Variants in ZUP1 observed in about 807,000 individuals in gnomAD.
The protein encoded by ZUP1 is zinc finger containing ubiquitin peptidase 1, also known as zinc finger-containing ubiquitin peptidase 1.
In ZUP1, 55 loss-of-function variants were observed where a neutral mutation model predicts 68.1. The ratio of observed to expected loss-of-function variants is 0.81; its 90% CI spans 0.65 to 1.01. The LOEUF is 1.01. Among genes scored for constraint, ZUP1 ranks in the 50% least tolerant of loss-of-function variants. The pLI, the probability that ZUP1 is intolerant of heterozygous loss-of-function variation, is 0.00. For missense variants in ZUP1, 684 were observed against 674.9 expected, an observed-to-expected ratio of 1.01 and a Z score of -0.15; for synonymous variants, 223 against 221.5, an observed-to-expected ratio of 1.01 and a Z score of -0.06.
intron 7 of ZUP1, among the ~76,000 whole-genome samples, chr6:116,648,881 A>C (rs907630379): frequency 1.3e-5 from 2 of 151,952 alleles, no homozygotes; most frequent in Non-Finnish European, 2.9e-5. Flanking sequence ...AAGGCACAAG[A>C]ATCACTTAAG....
At position 116,645,717 on chromosome 6, in the gene ZUP1, T is replaced by C; in HGVS notation, c.1686A>G (p.Lys562=). The C allele has an allele frequency of 6.2e-7, 1 of 1,600,188 alleles. No homozygotes were observed. The highest frequency in any genetic ancestry group is 1.1e-5 in the South Asian group (1 of 87,910). ...AVEGALSLEE[K]LARRQASQVF... ...ATATAAATATTTAGATACTTACAAG[T>C]TTCTCCTCTAGAGAAAGAGCACCCT... Residue 562 remains lysine (K), a synonymous_variant, in exon 9 of 10, where the codon AAA becomes AAG. Coordinates refer to ENST00000368576, the MANE Select transcript of ZUP1 (RefSeq NM_145062.3).
chr6:116,641,763 C>G (rs1776107926), intron 9 of ZUP1, among the ~76,000 whole-genome samples: 3 of 152,100 alleles, frequency 2.0e-5, no homozygotes, highest in Non-Finnish European at 4.4e-5. Context: ...GACACCCTAA[C>G]ATCACAATTA....
intron 9 of ZUP1, among the ~76,000 whole-genome samples, chr6:116,642,030 A>C (rs2115382461): frequency 6.6e-6 from 1 of 152,318 alleles, no homozygotes; most frequent in South Asian, 2.1e-4. Flanking sequence ...CAGAAATACA[A>C]ACTACCATCA....
At position 116,647,514 on chromosome 6, in the gene ZUP1, T is replaced by C. The variant is rs200297757; in HGVS notation, c.1413A>G (p.Glu471=). Residue 471 remains glutamate (E), a synonymous_variant, in exon 8 of 10, where the codon GAA becomes GAG. Transcript: ENST00000368576. Reference sequence around the variant, plus strand: ...ATGTACACACTACCTTTGGACTCCCTTCTCCCTCTGAAGAATAATAGTTCA... The same window carrying C: ...ATGTACACACTACCTTTGGACTCCCCTCTCCCTCTGAAGAATAATAGTTCA... ...WILNYYSSEG[E]GSPKVVCTSK... The C allele has an allele frequency of 6.2e-6, 10 of 1,601,408 alleles. No homozygotes were observed. The East Asian group carries it at 2.2e-4, about 36-fold the overall frequency.
At chr6:116,651,543 A>G in intron 7 of ZUP1, 29 bp downstream of exon 7, 1 of 1,523,704 alleles carries the variant, frequency 6.6e-7, no homozygotes, top group South Asian at 1.3e-5. Flanking sequence ...ATAAGGAAAT[A>G]ACATTTATTT....
chr6:116,666,490 G>A (rs1777013491), intron 2 of ZUP1, 144 bp downstream of exon 2: 1 of 567,866 alleles, frequency 1.8e-6, no homozygotes, highest in African/African-American at 1.9e-5. Flanking sequence ...TTATATTTCA[G>A]TAACAGCAAA....
intron 5 of ZUP1, among the ~76,000 whole-genome samples, chr6:116,653,512 A>G (rs1280451880): frequency 6.6e-6 from 1 of 152,056 alleles, no homozygotes; most frequent in African/African-American, 2.4e-5. Context: ...AAATGAACCA[A>G]TAGTTGTAGC....
intron 2 of ZUP1, among the ~76,000 whole-genome samples, chr6:116,664,538 G>C (rs1047290824): frequency 5.3e-5 from 8 of 151,704 alleles, no homozygotes; most frequent in African/African-American, 1.9e-4. Context: ...TGACAACAGA[G>C]TTTTTATGAA....
At chr6:116,643,320 A>T (rs1362965446) in intron 9 of ZUP1, among the ~76,000 whole-genome samples, 3 of 151,566 alleles carry the variant, frequency 2.0e-5, no homozygotes, top group Non-Finnish European at 3.0e-5. Flanking sequence ...CTTTCTTCAC[A>T]GAATTGGAAA....
intron 9 of ZUP1, among the ~76,000 whole-genome samples, chr6:116,644,638 A>G (rs1012978974): frequency 3.3e-5 from 5 of 150,172 alleles, no homozygotes; most frequent in Non-Finnish European, 7.4e-5. Context: ...GAATTGAACA[A>G]TGAGAACACA....
At chr6:116,639,428 G>GTTGCTAACT (rs2115377866) in intron 9 of ZUP1, among the ~76,000 whole-genome samples, 1 of 152,336 alleles carries the variant, frequency 6.6e-6, no homozygotes, top group South Asian at 2.1e-4. Context: ...AGCCTAACGG[G>GTTGCTAACT]GAGGCATCCC....
chr6:116,666,814 T>C lies in ZUP1; in HGVS notation c.379A>G (p.Arg127Gly). Residue 127 changes from arginine (R) to glycine (G), a missense_variant, in exon 2 of 10, where the codon AGA (arginine) becomes GGA (glycine). Transcript: ENST00000368576. ...TTTTCCCTACTTTTCAGGAATTTTCTAGATTCAGTTAAGTTCTCTGAATAG... is the reference window on the plus strand; with the variant it reads ...TTTTCCCTACTTTTCAGGAATTTTCCAGATTCAGTTAAGTTCTCTGAATAG... ...GFYSENLTES[R>G]KFLKSREKQS... 1 of 1,613,272 alleles carries C rather than the reference T, an allele frequency of 6.2e-7. No homozygotes were observed. Among genetic ancestry groups the C allele is most frequent in the East Asian group, 2.2e-5 (1 of 44,822 alleles).
At chr6:116,658,530 TTC>T (rs1171449815) in intron 4 of ZUP1, among the ~76,000 whole-genome samples, 3 of 152,180 alleles carry the variant, frequency 2.0e-5, no homozygotes, top group Non-Finnish European at 4.4e-5. Context: ...TACTTAACCA[TTC>T]TCTGTCTCCA....
At chr6:116,662,699 T>C (rs1776880727) in intron 2 of ZUP1, among the ~76,000 whole-genome samples, 1 of 152,182 alleles carries the variant, frequency 6.6e-6, no homozygotes, top group Non-Finnish European at 1.5e-5. Flanking sequence ...TAAAATCTGG[T>C]TGGTTCATGA....
intron 2 of ZUP1, among the ~76,000 whole-genome samples, chr6:116,662,212 T>C (rs1283999034): frequency 6.6e-6 from 1 of 152,224 alleles, no homozygotes; most frequent in African/African-American, 2.4e-5. Flanking sequence ...GAGAAGTCTT[T>C]CAGCCAGTTC....
intron 9 of ZUP1, among the ~76,000 whole-genome samples, chr6:116,638,464 C>A (rs1286276173): frequency 6.6e-6 from 1 of 151,966 alleles, no homozygotes; most frequent in Non-Finnish European, 1.5e-5. Context: ...GGAATAAAGA[C>A]AAGAGGAAAT....
chr6:116,662,865 G>A (rs74920794), intron 2 of ZUP1, among the ~76,000 whole-genome samples: 4,181 of 152,078 alleles, frequency 0.027, 193 homozygotes, highest in African/African-American at 0.094. Flanking sequence ...ACCATAATAT[G>A]GCATCATCTA....
At chr6:116,665,683 G>A (rs1776981595) in intron 2 of ZUP1, among the ~76,000 whole-genome samples, 1 of 148,518 alleles carries the variant, frequency 6.7e-6, no homozygotes, top group Admixed American at 6.7e-5. Context: ...AGGCTCAGGT[G>A]ATCCTCCTAT....
intron 2 of ZUP1, among the ~76,000 whole-genome samples, chr6:116,665,808 C>T (rs1323833390): frequency 1.0e-4 from 15 of 143,752 alleles, no homozygotes; most frequent in Admixed American, 1.0e-3. Context: ...CCAGGATCGT[C>T]TCGAACTCCT....
Sources: gnomAD v4.1 joint callset for allele counts (sites outside exome capture counted in the v4.1 genomes callset) on GRCh38, gnomAD v4.1.1 for gene constraint, MANE v1.5 for transcripts, NCBI Gene and HGNC (gene_info 2026-07-23, HGNC 2026-07-21) for gene names.